Variants in CCNB1IP1 observed in about 807,000 individuals in gnomAD.
CCNB1IP1 encodes the protein E3 ubiquitin-protein ligase CCNB1IP1.
Under a neutral mutation model 25.6 loss-of-function variants are expected in CCNB1IP1, and 14 were observed. That is an observed-to-expected ratio of 0.55 (90% CI 0.36 to 0.85). CCNB1IP1 has a LOEUF of 0.85. Among genes scored for constraint, CCNB1IP1 ranks in the 40% least tolerant of loss-of-function variants. The pLI, the probability that CCNB1IP1 is intolerant of heterozygous loss-of-function variation, is 0.01. For missense variants in CCNB1IP1, 278 were observed against 342.4 expected, an observed-to-expected ratio of 0.81 and a Z score of 1.48; for synonymous variants, 119 against 116.1, an observed-to-expected ratio of 1.02 and a Z score of -0.16.
At chr14:20,318,255 C>G (rs551200497) in intron 4 of CCNB1IP1, 1 of 152,358 alleles carries the variant, frequency 6.6e-6, no homozygotes, top group South Asian at 2.1e-4. Flanking sequence ...GGGCAAATCA[C>G]CTGAGGTCAG....
chr14:20,332,875 T>G (rs1440119454), intron 1 of CCNB1IP1: 1 of 152,148 alleles, frequency 6.6e-6, no homozygotes, highest in Admixed American at 6.6e-5. Context: ...GCTGAACGCC[T>G]TCTCCCGAAA....
intron 1 of CCNB1IP1, among the ~76,000 whole-genome samples, chr14:20,332,199 A>G (rs1309698566): frequency 1.3e-5 from 2 of 151,376 alleles, no homozygotes; most frequent in African/African-American, 4.9e-5. Flanking sequence ...CATGCCCCAA[A>G]AAATAAATTT....
At chr14:20,319,828 A>C (rs1882835279) in intron 4 of CCNB1IP1, among the ~76,000 whole-genome samples, 1 of 152,248 alleles carries the variant, frequency 6.6e-6, no homozygotes, top group African/African-American at 2.4e-5. Flanking sequence ...ACCACTCTCC[A>C]AAGTAAAAGC....
intron 5 of CCNB1IP1, 28 bp downstream of exon 5, chr14:20,316,199 C>G (rs778411907): frequency 6.3e-7 from 1 of 1,586,080 alleles, no homozygotes; most frequent in South Asian, 1.1e-5. Context: ...AAATCACATG[C>G]TCAAGAGAAA....
intron 4 of CCNB1IP1, among the ~76,000 whole-genome samples, chr14:20,317,439 T>C (rs943169138): frequency 1.3e-5 from 2 of 151,364 alleles, no homozygotes; most frequent in African/African-American, 2.4e-5. Context: ...TCCAGGTCGA[T>C]AGAAAAGAAC....
chr14:20,327,954 A>G (rs1883126076), intron 2 of CCNB1IP1, among the ~76,000 whole-genome samples: 1 of 152,220 alleles, frequency 6.6e-6, no homozygotes, highest in African/African-American at 2.4e-5. Context: ...TACCCTAGTC[A>G]CATTTTCATT....
At chr14:20,329,698 C>A (rs1389064896) in intron 1 of CCNB1IP1, among the ~76,000 whole-genome samples, 1 of 152,096 alleles carries the variant, frequency 6.6e-6, no homozygotes, top group Non-Finnish European at 1.5e-5. Context: ...TTTGAATATA[C>A]CCAGAAATGG....
chr14:20,323,920 A>G (rs1267928986), intron 4 of CCNB1IP1, among the ~76,000 whole-genome samples: 1 of 107,056 alleles, frequency 9.3e-6, no homozygotes. Context: ...TCCGTCTCAA[A>G]AAAAAAAAAA....
intron 5 of CCNB1IP1, chr14:20,315,408 T>C (rs565358723): frequency 2.3e-6 from 2 of 879,976 alleles, no homozygotes; most frequent in Non-Finnish European, 2.8e-6. Context: ...TCTCACCACA[T>C]AAGCCAGCAA....
intron 1 of CCNB1IP1, among the ~76,000 whole-genome samples, chr14:20,330,119 C>CA (rs947949708): frequency 1.4e-4 from 11 of 80,062 alleles, no homozygotes; most frequent in African/African-American, 2.1e-4. Context: ...AAAAAAAAAA[C>CA]AAAAAACATG....
At chr14:20,319,503 CT>C (rs1350282265) in intron 4 of CCNB1IP1, among the ~76,000 whole-genome samples, 1 of 152,190 alleles carries the variant, frequency 6.6e-6, no homozygotes, top group East Asian at 1.9e-4. Flanking sequence ...GCAAAATATT[CT>C]AATTTGACTA....
intron 1 of CCNB1IP1, among the ~76,000 whole-genome samples, chr14:20,332,691 T>C (rs746248217): frequency 5.9e-5 from 9 of 152,064 alleles, no homozygotes; most frequent in Non-Finnish European, 1.2e-4. Flanking sequence ...ACATTAAAAA[T>C]TAGGAGCTCC....
intron 4 of CCNB1IP1, among the ~76,000 whole-genome samples, chr14:20,324,335 C>T (rs1882996646): frequency 6.6e-6 from 1 of 152,034 alleles, no homozygotes; most frequent in African/African-American, 2.4e-5. Flanking sequence ...TACAGGTGCA[C>T]GCCACCACAC....
intron 4 of CCNB1IP1, among the ~76,000 whole-genome samples, chr14:20,323,905 G>A (rs1242161016): frequency 5.8e-5 from 7 of 121,336 alleles, no homozygotes; most frequent in African/African-American, 1.6e-4. Flanking sequence ...GCGACAGAGC[G>A]AGACTCCGTC....
chr14:20,332,026 A>ATATATATATAT (rs59034398), intron 1 of CCNB1IP1, among the ~76,000 whole-genome samples: 1 of 40,750 alleles, frequency 2.5e-5, no homozygotes, highest in African/African-American at 8.7e-5. Flanking sequence ...ATATATATAT[A>ATATATATATAT]TTTTTTTTTT....
rs78644662 is a variant in CCNB1IP1 at position 20,329,019 on chromosome 14, C to T, written c.-231+155G>A. 6.7e-3 allele frequency among the ~76,000 whole-genome samples: 1,026 copies of T among 152,266 alleles called. 15 individuals carry two copies. Among genetic ancestry groups the T allele is most frequent in the African/African-American group, 0.023 (973 of 41,556 alleles). ...CTTCATGAAGGCCTAATACAAACTA[C>T]AAATTGATACTAAATCAGCAGATAC... On this transcript the variant is annotated intron_variant, in intron 2 of 6. Transcript: ENST00000358932.
intron 5 of CCNB1IP1, chr14:20,314,649 C>A (rs573090557): frequency 1.3e-5 from 2 of 151,886 alleles, no homozygotes; most frequent in South Asian, 4.2e-4. Context: ...TGTGAAAGAC[C>A]CTGTAAGAGA....
intron 5 of CCNB1IP1, 55 bp downstream of exon 5, chr14:20,316,172 G>T: frequency 6.7e-7 from 1 of 1,486,626 alleles, no homozygotes; most frequent in South Asian, 1.3e-5. Context: ...GACACTAGAA[G>T]TTCCCACAAA....
intron 1 of CCNB1IP1, among the ~76,000 whole-genome samples, chr14:20,332,006 A>ATATATATATATATATGATGTG (rs1555314515): frequency 6.5e-5 from 4 of 61,238 alleles, no homozygotes; most frequent in African/African-American, 3.8e-4. Context: ...ATGTGTATAC[A>ATATATATATATATATGATGTG]TATATATATA....
Sources: gnomAD v4.1 joint callset for allele counts (sites outside exome capture counted in the v4.1 genomes callset) on GRCh38, gnomAD v4.1.1 for gene constraint, MANE v1.5 for transcripts, NCBI Gene and HGNC (gene_info 2026-07-23, HGNC 2026-07-21) for gene names.